The following HFM1 variants were observed in gnomAD, a reference collection of about 807,000 sequenced individuals.
HFM1 encodes probable ATP-dependent DNA helicase HFM1.
A neutral mutation model predicts 192.1 loss-of-function variants in HFM1; 169 were observed. The ratio of observed to expected loss-of-function variants is 0.88; its 90% confidence interval spans 0.78 to 1.00. The LOEUF (loss-of-function observed/expected upper bound fraction) is 1.00. Among genes scored for constraint, HFM1 ranks in the 50% least tolerant of loss-of-function variants. HFM1 has a pLI of 0.00. For missense variants in HFM1, 1,661 were observed against 1,668.0 expected (o/e 1.00, Z 0.07); for synonymous variants, 525 against 537.8 (o/e 0.98, Z 0.33).
chr1:91,390,969 A>C (rs1412808325), intron 4 of HFM1, among the ~76,000 whole-genome samples: 1 of 152,240 alleles, frequency 6.6e-6, no homozygotes, highest in Non-Finnish European at 1.5e-5. Context: ...TAACAGACAG[A>C]GAGCCAAATC....
upstream of HFM1, among the ~76,000 whole-genome samples, chr1:91,405,498 C>T (rs1024772230): frequency 6.6e-6 from 1 of 152,128 alleles, no homozygotes; most frequent in African/African-American, 2.4e-5. Flanking sequence ...TTGGAAACCC[C>T]CACCTGTGAC....
intron 30 of HFM1, among the ~76,000 whole-genome samples, chr1:91,306,387 A>G (rs767135282): frequency 5.9e-5 from 9 of 152,156 alleles, no homozygotes; most frequent in East Asian, 1.9e-4. Context: ...TAGTTTGCTA[A>G]GAGTTTTTTT....
intron 13 of HFM1, among the ~76,000 whole-genome samples, chr1:91,367,889 A>G (rs1329374992): frequency 6.6e-6 from 1 of 152,174 alleles, no homozygotes; most frequent in East Asian, 1.9e-4. Flanking sequence ...AGAATAACCA[A>G]CGCAGAGAAG....
intron 30 of HFM1, among the ~76,000 whole-genome samples, chr1:91,281,423 G>A (rs1667453157): frequency 1.3e-5 from 2 of 152,042 alleles, no homozygotes; most frequent in Admixed American, 1.3e-4. Context: ...CCTCATCAAT[G>A]CCTCCTTCCT....
At chr1:91,380,275 C>T in intron 7 of HFM1, 39 bp from the exon 8 acceptor site, 1 of 1,218,326 alleles carries the variant, frequency 8.2e-7, no homozygotes, top group Non-Finnish European at 1.1e-6. Flanking sequence ...AACATATAGA[C>T]TTTTTCACAC....
intron 6 of HFM1, among the ~76,000 whole-genome samples, chr1:91,381,831 C>T (rs282030): frequency 1 from 152,117 of 152,298 alleles, 75,968 homozygotes; most frequent in Non-Finnish European, 1. Context: ...TACACAGTTA[C>T]TTAAACAACT....
At chr1:91,321,791 T>C (rs1276586012) in intron 23 of HFM1, among the ~76,000 whole-genome samples, 1 of 152,186 alleles carries the variant, frequency 6.6e-6, no homozygotes, top group East Asian at 1.9e-4. Context: ...ACTTTAAAAT[T>C]TGACAGCTTC....
chr1:91,282,103 A>G (rs1667512770), intron 30 of HFM1, among the ~76,000 whole-genome samples: 1 of 152,134 alleles, frequency 6.6e-6, no homozygotes, highest in African/African-American at 2.4e-5. Flanking sequence ...TTTCTGTCTC[A>G]CTTCAGTTCT....
intron 29 of HFM1, 35 bp from the exon 30 acceptor site, chr1:91,313,530 T>C: frequency 2.4e-5 from 35 of 1,474,460 alleles, no homozygotes; most frequent in Non-Finnish European, 3.1e-5. Flanking sequence ...AAATGTTTAT[T>C]TGTCATATAA....
At chr1:91,337,715 G>C (rs990881553) in intron 20 of HFM1, among the ~76,000 whole-genome samples, 1 of 152,164 alleles carries the variant, frequency 6.6e-6, no homozygotes, top group African/African-American at 2.4e-5. Context: ...TGGAACACCA[G>C]AAAAGCCAAG....
chr1:91,291,821 G>A (rs963225071), intron 30 of HFM1, among the ~76,000 whole-genome samples: 64 of 152,050 alleles, frequency 4.2e-4, no homozygotes, highest in South Asian at 2.7e-3. Flanking sequence ...CTGGCAAACC[G>A]AATCCAGCAG....
intron 13 of HFM1, among the ~76,000 whole-genome samples, chr1:91,353,922 TGA>T (rs1491533719): frequency 4.8e-4 from 64 of 133,214 alleles, no homozygotes; most frequent in East Asian, 2.0e-3. Context: ...ACAGGAAACA[TGA>T]AAAAAAAAAA....
chr1:91,338,962 G>A (rs567582555), intron 20 of HFM1: 19 of 455,582 alleles, frequency 4.2e-5, no homozygotes, highest in Non-Finnish European at 7.1e-5. Context: ...AACCTCGAGG[G>A]GCCAGCAAAC....
Position 91,302,325 on chromosome 1 carries a change from G to A in HFM1, c.3391+11024C>T, listed in dbSNP as rs377026588. Among the ~76,000 whole-genome samples the A allele has an allele frequency of 7.4e-3, 1,119 of 151,758 alleles. 17 individuals carry two copies. The highest frequency in any genetic ancestry group is 0.025 in the African/African-American group (1,037 of 41,412). The stretch of plus-strand genomic sequence containing the variant: ...TGTGGAGAAATAGGAACACTTTTAC[G>A]CTGTTGGTGGGACTGTAAACTAGTT... On this transcript the variant is annotated intron_variant, in intron 30 of 38. Transcript: ENST00000370425.
chr1:91,304,116 A>G (rs544948309), intron 30 of HFM1, among the ~76,000 whole-genome samples: 2 of 152,172 alleles, frequency 1.3e-5, no homozygotes, highest in East Asian at 1.9e-4. Flanking sequence ...CGGCCTCCCA[A>G]AGTGTTGGGA....
rs778809806 is a variant in HFM1, at chr1:91,314,034, C to T, written c.3167G>A (p.Ser1056Asn). ...TTTCACAGCAATCTTTTTAGCCCAA[C>T]TTCCAGCTTTTAGCAAAACAGAATC... ...ITDSVLLKAG[S>N]WAKKIAVKRA... The change falls in exon 29 of 39, where the codon AGT (serine) becomes AAT (asparagine). Residue 1056 changes from serine to asparagine, a missense_variant. Transcript: ENST00000370425. 1 of 1,609,008 alleles carries T rather than the reference C, an allele frequency of 6.2e-7. No individual in the cohort carries two copies. Among genetic ancestry groups the T allele is most frequent in the African/African-American group, 1.3e-5 (1 of 74,812 alleles).
chr1:91,387,198 C>T (rs1662313212), intron 4 of HFM1, among the ~76,000 whole-genome samples: 1 of 152,164 alleles, frequency 6.6e-6, no homozygotes, highest in Non-Finnish European at 1.5e-5. Context: ...CCAGTGATTT[C>T]ATCAGTCTTG....
At chr1:91,275,087 CA>C (rs1248889862) in intron 32 of HFM1, among the ~76,000 whole-genome samples, 1 of 149,972 alleles carries the variant, frequency 6.7e-6, no homozygotes, top group Non-Finnish European at 1.5e-5. Context: ...CAGGTTTAAG[CA>C]ATTCTCTGCC....
intron 30 of HFM1, among the ~76,000 whole-genome samples, chr1:91,292,558 C>G (rs1165871544): frequency 6.6e-6 from 1 of 151,782 alleles, no homozygotes; most frequent in South Asian, 2.1e-4. Flanking sequence ...AAAGAGCATA[C>G]AAACAAATGG....
Sources: allele counts gnomAD v4.1 joint callset (sites outside exome capture counted in the v4.1 genomes callset), GRCh38; gene constraint gnomAD v4.1.1; transcripts MANE v1.5; gene names NCBI Gene and HGNC (gene_info 2026-07-23, HGNC 2026-07-21).